The following PALM2AKAP2 variants were observed in gnomAD, a reference collection of about 807,000 sequenced individuals.
PALM2AKAP2 encodes the protein PALM2-AKAP2 fusion protein.
In PALM2AKAP2, 37 loss-of-function variants were observed where a neutral mutation model predicts 71.5. The ratio of observed to expected loss-of-function variants is 0.52; its 90% CI spans 0.40 to 0.68. The LOEUF is 0.68. Ranked by LOEUF, PALM2AKAP2 falls within the 30% of genes least tolerant of loss-of-function variation. The probability of loss-of-function intolerance (pLI) is 0.00; values close to 1 mark genes in which losing one functional copy is unlikely to be tolerated. For synonymous variants in PALM2AKAP2, 468 were observed against 478.8 expected, an observed-to-expected ratio of 0.98 and a Z score of 0.29; for missense variants, 1,224 against 1,191.8, an observed-to-expected ratio of 1.03 and a Z score of -0.40.
chr9:109,851,291 CTGGGCT>C (rs1250685543), intron 1 of PALM2AKAP2, among the ~76,000 whole-genome samples: 2 of 152,010 alleles, frequency 1.3e-5, no homozygotes, highest in Non-Finnish European at 2.9e-5. Context: ...AAGGTGAGGC[CTGGGCT>C]TGGTGCTTTT....
chr9:110,068,919 G>A (rs1834145920), intron 1 of PALM2AKAP2, among the ~76,000 whole-genome samples: 1 of 152,204 alleles, frequency 6.6e-6, no homozygotes, highest in Admixed American at 6.5e-5. Flanking sequence ...CCTTGATTGG[G>A]AGAATGTGGG....
chr9:109,676,275 T>C (rs767464155), intron 1 of PALM2AKAP2, among the ~76,000 whole-genome samples: 9 of 152,186 alleles, frequency 5.9e-5, no homozygotes, highest in Non-Finnish European at 1.0e-4. Context: ...TCTTGTATTA[T>C]ACTAGAAGAA....
chr9:110,035,788 G>T (rs201802210), intron 7 of PALM2AKAP2, among the ~76,000 whole-genome samples: 40,322 of 76,694 alleles, frequency 0.53, 11,489 homozygotes, highest in Admixed American at 0.62. Flanking sequence ...AACATATATA[G>T]GATATGTTGT....
chr9:110,014,467 G>A (rs956278346), intron 6 of PALM2AKAP2, among the ~76,000 whole-genome samples: 2 of 151,630 alleles, frequency 1.3e-5, no homozygotes, highest in South Asian at 2.1e-4. Context: ...ATAAACCTAC[G>A]GTTTTTAAAA....
intron 3 of PALM2AKAP2, among the ~76,000 whole-genome samples, chr9:109,921,295 A>G (rs1370757106): frequency 6.6e-6 from 1 of 152,174 alleles, no homozygotes; most frequent in East Asian, 1.9e-4. Context: ...CTAGTAGGGG[A>G]AATTAATAAT....
intron 1 of PALM2AKAP2, among the ~76,000 whole-genome samples, chr9:109,753,785 A>G (rs1452788500): frequency 6.6e-6 from 1 of 152,108 alleles, no homozygotes; most frequent in Non-Finnish European, 1.5e-5. Context: ...CCATCCAAGC[A>G]TTGGAGTTCT....
At position 109,784,031 on chromosome 9, in the gene PALM2AKAP2, C is replaced by A. The variant is rs78774541; in HGVS notation, c.45+3498C>A. On this transcript the variant is annotated intron_variant, in intron 1 of 9. Transcript: ENST00000302798. Reference sequence around the variant, plus strand: ...ATCCTAATTTCTGCCAAAAGAAGAGCAAGTCCATCTTTGACAATGATCTCT... The same window carrying A: ...ATCCTAATTTCTGCCAAAAGAAGAGAAAGTCCATCTTTGACAATGATCTCT... 4.9e-3 allele frequency among the ~76,000 whole-genome samples: 741 copies of A among 152,244 alleles called. 6 individuals carry two copies. Among genetic ancestry groups the A allele is most frequent in the South Asian group, 0.021 (103 of 4,814 alleles).
At chr9:109,832,302 A>C (rs1005081092) in intron 1 of PALM2AKAP2, among the ~76,000 whole-genome samples, 1 of 152,200 alleles carries the variant, frequency 6.6e-6, no homozygotes, top group Non-Finnish European at 1.5e-5. Flanking sequence ...CATAGCTGAG[A>C]TATATAATGT....
chr9:109,694,663 A>G (rs1827943457), intron 1 of PALM2AKAP2, among the ~76,000 whole-genome samples: 1 of 152,122 alleles, frequency 6.6e-6, no homozygotes, highest in African/African-American at 2.4e-5. Context: ...TGCCAAAATA[A>G]ATACTAAAGG....
At chr9:110,082,884 G>A (rs1412204798) in intron 1 of PALM2AKAP2, among the ~76,000 whole-genome samples, 2 of 152,216 alleles carry the variant, frequency 1.3e-5, no homozygotes, top group Admixed American at 6.5e-5. Flanking sequence ...ACTCACGCCT[G>A]TAATCCCAGC....
At chr9:109,955,023 CCTT>C (rs1475918777) in intron 6 of PALM2AKAP2, among the ~76,000 whole-genome samples, 1 of 152,126 alleles carries the variant, frequency 6.6e-6, no homozygotes, top group Non-Finnish European at 1.5e-5. Flanking sequence ...ATTTTTACCA[CCTT>C]CTATTATTCT....
At chr9:109,994,271 AG>A (rs1345744536) in intron 6 of PALM2AKAP2, among the ~76,000 whole-genome samples, 1 of 152,240 alleles carries the variant, frequency 6.6e-6, no homozygotes, top group Non-Finnish European at 1.5e-5. Flanking sequence ...CGGCAGAGGA[AG>A]ACTTTGGGAT....
intron 1 of PALM2AKAP2, among the ~76,000 whole-genome samples, chr9:109,655,353 A>G (rs1477143925): frequency 2.6e-5 from 4 of 151,886 alleles, no homozygotes; most frequent in African/African-American, 9.7e-5. Flanking sequence ...CCTCTGGGTG[A>G]CAAGGAACAG....
chr9:110,162,279 T>A, intron 3 of PALM2AKAP2, 147 bp downstream of exon 10: 1 of 1,230,920 alleles, frequency 8.1e-7, no homozygotes, highest in South Asian at 1.3e-5. Context: ...TGTTCTGAAA[T>A]ATGGGACTGC....
intron 1 of PALM2AKAP2, among the ~76,000 whole-genome samples, chr9:109,698,243 G>T (rs1290555985): frequency 1.3e-5 from 2 of 151,028 alleles, no homozygotes; most frequent in East Asian, 3.9e-4. Flanking sequence ...GCCCCCAGTG[G>T]CCTTACCCTT....
chr9:110,111,241 A>C (rs1835245346), intron 1 of PALM2AKAP2, among the ~76,000 whole-genome samples: 1 of 151,210 alleles, frequency 6.6e-6, no homozygotes. Flanking sequence ...ACAGGCATGC[A>C]CCACCAAACC....
chr9:109,709,619 G>C (rs1160784173), intron 1 of PALM2AKAP2, among the ~76,000 whole-genome samples: 2 of 152,146 alleles, frequency 1.3e-5, no homozygotes, highest in African/African-American at 4.8e-5. Context: ...AGGGGTAGCA[G>C]GAGCTGAGGA....
intron 1 of PALM2AKAP2, among the ~76,000 whole-genome samples, chr9:109,688,352 C>T (rs147419789): frequency 1.2e-3 from 178 of 152,298 alleles, no homozygotes; most frequent in African/African-American, 4.0e-3. Flanking sequence ...TTTGTAAACC[C>T]ATACTGGTCT....
At chr9:109,993,153 A>G (rs886650114) in intron 6 of PALM2AKAP2, among the ~76,000 whole-genome samples, 5 of 150,056 alleles carry the variant, frequency 3.3e-5, no homozygotes, top group South Asian at 2.1e-4. Flanking sequence ...TCTTTTGGTC[A>G]CACATGACAG....
Sources: allele counts gnomAD v4.1 joint callset (sites outside exome capture counted in the v4.1 genomes callset), GRCh38; gene constraint gnomAD v4.1.1; transcripts MANE v1.5; gene names NCBI Gene and HGNC (gene_info 2026-07-23, HGNC 2026-07-21).